HDAC9: variants seen among roughly 807,000 people sequenced by gnomAD.
HDAC9 encodes MEF-2 interacting transcription repressor (MITR) protein.
In HDAC9, 41 loss-of-function variants were observed where a neutral mutation model predicts 139.4. That is an observed-to-expected ratio of 0.29 (90% confidence interval 0.23 to 0.38). The LOEUF (loss-of-function observed/expected upper bound fraction) is 0.38. Ranked by LOEUF, HDAC9 falls within the 10% of genes least tolerant of loss-of-function variation. The pLI, the probability that HDAC9 is intolerant of heterozygous loss-of-function variation, is 1.00. For synonymous variants in HDAC9, 517 were observed against 476.2 expected (o/e 1.09, Z -1.12); for missense variants, 1,147 against 1,297.0 (o/e 0.88, Z 1.78).
intron 1 of HDAC9, among the ~76,000 whole-genome samples, chr7:18,308,857 G>A (rs1353497817): frequency 6.6e-6 from 1 of 152,190 alleles, no homozygotes; most frequent in Non-Finnish European, 1.5e-5. Context: ...CAGGAAGATA[G>A]GGTTTGTTGA....
intron 1 of HDAC9, among the ~76,000 whole-genome samples, chr7:18,414,398 T>C (rs1788854924): frequency 6.6e-6 from 1 of 152,100 alleles, no homozygotes; most frequent in East Asian, 1.9e-4. Flanking sequence ...TTCCTTTTTT[T>C]TTTTTGCATT....
chr7:18,747,260 G>T (rs181085688), intron 13 of HDAC9, among the ~76,000 whole-genome samples: 1 of 152,186 alleles, frequency 6.6e-6, no homozygotes, highest in African/African-American at 2.4e-5. Context: ...CAGAAGAGGC[G>T]ACTGTTGTGT....
Position 18,522,224 on chromosome 7 carries a change from A to G in HDAC9, c.22+25900A>G, listed in dbSNP as rs375931014. On this transcript the variant is annotated intron_variant, in intron 2 of 25. Coordinates refer to ENST00000686413, the MANE Select transcript of HDAC9 (RefSeq NM_178425.4). ...TGGCTAAGTTGGCTCCACTAAGTAC[A>G]AAAAAGCACTTAGGGCCATTCAGAA... Among the ~76,000 whole-genome samples, 8 of 152,308 alleles carry G rather than the reference A, an allele frequency of 5.3e-5. No homozygotes were observed. In the East Asian group the frequency reaches 1.4e-3, roughly 26 times the overall value.
At chr7:18,465,959 A>C (rs1432644141) in intron 1 of HDAC9, among the ~76,000 whole-genome samples, 1 of 152,198 alleles carries the variant, frequency 6.6e-6, no homozygotes. Context: ...ATTATTTTAC[A>C]GTTTTGTGAT....
At chr7:18,775,290 A>T (rs987087037) in intron 16 of HDAC9, among the ~76,000 whole-genome samples, 8 of 152,100 alleles carry the variant, frequency 5.3e-5, no homozygotes, top group Non-Finnish European at 8.8e-5. Flanking sequence ...AAGTGAGCAC[A>T]TGCTGCTGGA....
At chr7:18,785,578 T>A (rs1791644529) in intron 16 of HDAC9, among the ~76,000 whole-genome samples, 1 of 152,108 alleles carries the variant, frequency 6.6e-6, no homozygotes, top group South Asian at 2.1e-4. Context: ...TTAAAAAAAA[T>A]ATTTTAGCAC....
At chr7:18,746,414 C>T (rs887538833) in intron 13 of HDAC9, among the ~76,000 whole-genome samples, 1 of 152,030 alleles carries the variant, frequency 6.6e-6, no homozygotes, top group African/African-American at 2.4e-5. Flanking sequence ...TAATGTCTTC[C>T]TTCTGACTTT....
intron 8 of HDAC9, among the ~76,000 whole-genome samples, chr7:18,638,721 A>G (rs1283162803): frequency 6.6e-6 from 1 of 152,092 alleles, no homozygotes; most frequent in African/African-American, 2.4e-5. Flanking sequence ...TCAAGCCAGC[A>G]GCTCTCATGT....
intron 22 of HDAC9, among the ~76,000 whole-genome samples, chr7:18,902,138 A>C (rs559720743): frequency 6.6e-6 from 1 of 152,330 alleles, no homozygotes; most frequent in South Asian, 2.1e-4. Context: ...CTGCATCCCA[A>C]ACTGTCTTCC....
chr7:18,215,401 T>A (rs1383231557), intron 2 of HDAC9, among the ~76,000 whole-genome samples: 1 of 152,202 alleles, frequency 6.6e-6, no homozygotes, highest in Non-Finnish European at 1.5e-5. Flanking sequence ...AGTTTTCTGT[T>A]AGCATGTAAG....
chr7:18,842,725 C>CA (rs1796664837), intron 21 of HDAC9, among the ~76,000 whole-genome samples: 1 of 152,012 alleles, frequency 6.6e-6, no homozygotes, highest in Admixed American at 6.6e-5. Flanking sequence ...CAATTTTCAT[C>CA]AAAAAATTAC....
At chr7:18,183,216 A>G (rs1044274143) in intron 2 of HDAC9, among the ~76,000 whole-genome samples, 6 of 152,034 alleles carry the variant, frequency 3.9e-5, no homozygotes, top group African/African-American at 7.2e-5. Flanking sequence ...TCACCGTGTT[A>G]GCCAGGATGG....
chr7:18,357,393 T>C (rs1016277575), intron 1 of HDAC9, among the ~76,000 whole-genome samples: 5 of 151,940 alleles, frequency 3.3e-5, no homozygotes, highest in South Asian at 2.1e-4. Flanking sequence ...TCTGTTCTCC[T>C]TTTTTTTCCT....
At chr7:18,247,216 A>G (rs1794614058) in intron 2 of HDAC9, among the ~76,000 whole-genome samples, 1 of 152,072 alleles carries the variant, frequency 6.6e-6, no homozygotes, top group Non-Finnish European at 1.5e-5. Flanking sequence ...AGTCATTAGC[A>G]TAGAGATGGT....
chr7:18,415,238 A>C (rs1183897044), intron 1 of HDAC9, among the ~76,000 whole-genome samples: 1 of 152,128 alleles, frequency 6.6e-6, no homozygotes, highest in Non-Finnish European at 1.5e-5. Context: ...CGATGGCTTA[A>C]AGTGTATGTG....
intron 1 of HDAC9, among the ~76,000 whole-genome samples, chr7:18,124,526 A>G (rs1475437035): frequency 2.6e-5 from 4 of 152,166 alleles, no homozygotes; most frequent in Admixed American, 2.0e-4. Flanking sequence ...AGTTCTTCCC[A>G]GATATCTTAT....
At chr7:18,325,366 C>G (rs577750727) in intron 1 of HDAC9, 13 of 152,242 alleles carry the variant, frequency 8.5e-5, no homozygotes, top group Non-Finnish European at 1.5e-4. Flanking sequence ...TAATTATCCT[C>G]CTTTTAATAG....
intron 2 of HDAC9, among the ~76,000 whole-genome samples, chr7:18,540,093 A>G (rs1812271538): frequency 7.1e-6 from 1 of 140,084 alleles, no homozygotes. Context: ...CCGCATCCCT[A>G]CTAAAAATAC....
At chr7:18,902,413 G>A (rs1563039877) in intron 22 of HDAC9, among the ~76,000 whole-genome samples, 2 of 152,100 alleles carry the variant, frequency 1.3e-5, no homozygotes, top group African/African-American at 2.4e-5. Flanking sequence ...AGCCAAAAAA[G>A]AAGGAGAAAA....
Sources: gnomAD v4.1 joint callset for allele counts (sites outside exome capture counted in the v4.1 genomes callset) on GRCh38, gnomAD v4.1.1 for gene constraint, MANE v1.5 for transcripts, NCBI Gene and HGNC (gene_info 2026-07-23, HGNC 2026-07-21) for gene names.